ACBD6: variants seen among roughly 807,000 people sequenced by gnomAD.
The protein encoded by ACBD6 is acyl-CoA binding domain containing 6, also known as acyl-CoA-binding domain-containing protein 6.
ACBD6 carries 28 observed loss-of-function variants against 37.2 expected under a neutral mutation model. That is an observed-to-expected ratio of 0.75 (90% CI 0.56 to 1.03). ACBD6 has a LOEUF of 1.03. ACBD6 is among the 50% of genes least tolerant of loss of function. ACBD6 has a pLI of 0.00. For synonymous variants in ACBD6, 113 were observed against 126.8 expected (o/e 0.89, Z 0.73); for missense variants, 340 against 337.4 (o/e 1.01, Z -0.06).
intron 6 of ACBD6, among the ~76,000 whole-genome samples, chr1:180,333,757 T>C (rs1291853816): frequency 6.6e-6 from 1 of 152,206 alleles, no homozygotes. Flanking sequence ...GGGAATTCCC[T>C]TTCCTAGTCA....
chr1:180,435,961 G>A, intron 3 of ACBD6: 1 of 1,170,436 alleles, frequency 8.5e-7, no homozygotes, highest in South Asian at 1.2e-5. Context: ...CTGTACAATT[G>A]TTTAATTTTA....
chr1:180,457,484 TCAC>T (rs1649969539), intron 3 of ACBD6, among the ~76,000 whole-genome samples: 1 of 107,952 alleles, frequency 9.3e-6, no homozygotes, highest in Non-Finnish European at 2.4e-5. Context: ...TCAGTAGGGA[TCAC>T]TAACCTACAA....
chr1:180,401,301 G>T (rs1571459565), intron 5 of ACBD6, among the ~76,000 whole-genome samples: 1 of 152,182 alleles, frequency 6.6e-6, no homozygotes, highest in African/African-American at 2.4e-5. Flanking sequence ...TGACTCTAAA[G>T]TGCTTTGAAA....
chr1:180,400,610 A>G (rs1265783222), intron 5 of ACBD6, among the ~76,000 whole-genome samples: 1 of 152,238 alleles, frequency 6.6e-6, no homozygotes, highest in Non-Finnish European at 1.5e-5. Flanking sequence ...CTATATTTAA[A>G]TGAACAAAAA....
chr1:180,435,055 G>A, intron 3 of ACBD6: 1 of 861,974 alleles, frequency 1.2e-6, no homozygotes, highest in Non-Finnish European at 2.0e-6. Flanking sequence ...ACCGTGGAAG[G>A]TCAGCTTGCA....
intron 7 of ACBD6, among the ~76,000 whole-genome samples, chr1:180,311,566 T>C (rs1007928664): frequency 2.0e-5 from 3 of 152,070 alleles, no homozygotes; most frequent in African/African-American, 7.2e-5. Context: ...GCCTCTCAAG[T>C]AGTTGGGACC....
At chr1:180,391,262 A>G (rs1039080612) in intron 6 of ACBD6, among the ~76,000 whole-genome samples, 4 of 152,132 alleles carry the variant, frequency 2.6e-5, no homozygotes, top group African/African-American at 9.7e-5. Context: ...CTTTGATTAG[A>G]CAATGATTTC....
chr1:180,273,931 G>A, intron 11 of ACBD6: 1 of 541,866 alleles, frequency 1.8e-6, no homozygotes, highest in South Asian at 2.0e-5. Flanking sequence ...GGACCAACGA[G>A]CTCACCAAAC....
chr1:180,401,902 T>C (rs1386495231), intron 5 of ACBD6, among the ~76,000 whole-genome samples: 1 of 152,052 alleles, frequency 6.6e-6, no homozygotes, highest in Non-Finnish European at 1.5e-5. Context: ...AAAGTACATA[T>C]ACCATACGTA....
At chr1:180,330,254 AT>A (rs58036413) in intron 6 of ACBD6, among the ~76,000 whole-genome samples, 3,539 of 143,194 alleles carry the variant, frequency 0.025, 100 homozygotes, top group African/African-American at 0.071. Flanking sequence ...CTCTATAAGA[AT>A]TTTTTTTTTT....
chr1:180,283,784 A>G (rs982669772), downstream of ACBD6, among the ~76,000 whole-genome samples: 2 of 152,234 alleles, frequency 1.3e-5, no homozygotes, highest in African/African-American at 4.8e-5. Flanking sequence ...GAAAACCAAA[A>G]TCCTAAATGC....
chr1:180,423,390 T>C (rs1243511114), intron 4 of ACBD6, among the ~76,000 whole-genome samples: 2 of 152,220 alleles, frequency 1.3e-5, no homozygotes, highest in Admixed American at 6.5e-5. Flanking sequence ...CTTCCTGTCA[T>C]ATGATAATGG....
At chr1:180,274,688 T>C (rs1053152174) in exon 10 of ACBD6, 2 of 1,289,358 alleles carry the variant, frequency 1.6e-6, no homozygotes, top group Admixed American at 4.6e-5. Context: ...TGAATTTCCA[T>C]TATTTTCAAT....
At chr1:180,377,672 G>A (rs1212397675) in intron 6 of ACBD6, among the ~76,000 whole-genome samples, 2 of 152,144 alleles carry the variant, frequency 1.3e-5, no homozygotes, top group African/African-American at 4.8e-5. Context: ...CATAGGCCAG[G>A]CATGGTGGCT....
intron 6 of ACBD6, among the ~76,000 whole-genome samples, chr1:180,331,136 CCACAA>C (rs1651463439): frequency 6.6e-6 from 1 of 152,074 alleles, no homozygotes; most frequent in African/African-American, 2.4e-5. Flanking sequence ...TTCACAAGTG[CCACAA>C]TATAACAGTA....
At chr1:180,412,124 A>C (rs1647885374) in intron 5 of ACBD6, among the ~76,000 whole-genome samples, 1 of 149,502 alleles carries the variant, frequency 6.7e-6, no homozygotes, top group African/African-American at 2.4e-5. Flanking sequence ...AAAAAAAAAA[A>C]CCCAAAATAC....
chr1:180,453,470 C>A (rs1243216204), intron 3 of ACBD6, among the ~76,000 whole-genome samples: 1 of 152,186 alleles, frequency 6.6e-6, no homozygotes, highest in African/African-American at 2.4e-5. Flanking sequence ...AGAAGCATTC[C>A]CTTTGAAAAC....
chr1:180,404,318 T>C (rs1647513164), intron 5 of ACBD6, among the ~76,000 whole-genome samples: 1 of 152,048 alleles, frequency 6.6e-6, no homozygotes, highest in South Asian at 2.1e-4. Flanking sequence ...TGTGAATGTA[T>C]TGTTTTATTT....
intron 1 of ACBD6, among the ~76,000 whole-genome samples, chr1:180,496,977 G>A (rs541251056): frequency 4.6e-5 from 7 of 152,154 alleles, no homozygotes; most frequent in South Asian, 4.2e-4. Flanking sequence ...TTAGTAGTCC[G>A]GATTTAAATC....
Sources: gnomAD v4.1 joint callset for allele counts (sites outside exome capture counted in the v4.1 genomes callset) on GRCh38, gnomAD v4.1.1 for gene constraint, MANE v1.5 for transcripts, NCBI Gene and HGNC (gene_info 2026-07-23, HGNC 2026-07-21) for gene names.